CELF2: variants seen among roughly 807,000 people sequenced by gnomAD.
CELF2 encodes CUG triplet repeat RNA-binding protein 2.
In CELF2, 8 loss-of-function variants were observed where a neutral mutation model predicts 62.6. That is an observed-to-expected ratio of 0.13 (90% CI 0.07 to 0.23). The LOEUF (loss-of-function observed/expected upper bound fraction) is 0.23. CELF2 is among the 10% of genes least tolerant of loss of function. The pLI, the probability that CELF2 is intolerant of heterozygous loss-of-function variation, is 1.00. For synonymous variants in CELF2, 258 were observed against 250.0 expected (o/e 1.03, Z -0.30); for missense variants, 333 against 671.0 (o/e 0.50, Z 5.56).
chr10:10,531,647 TC>T, the CELF2 span, among the ~76,000 whole-genome samples: 7 of 152,198 alleles, frequency 4.6e-5, no homozygotes, highest in Non-Finnish European at 7.3e-5. Context: ...TCACTTAGCA[TC>T]CTGATCTGTG....
intron 2 of CELF2, among the ~76,000 whole-genome samples, chr10:10,971,663 T>C (rs1353811593): frequency 6.6e-6 from 1 of 152,216 alleles, no homozygotes; most frequent in East Asian, 1.9e-4. Flanking sequence ...CTCAGTTCAC[T>C]ACAAACTGTG....
intron 8 of CELF2, among the ~76,000 whole-genome samples, chr10:11,287,455 C>T (rs538904886): frequency 2.0e-5 from 3 of 152,218 alleles, no homozygotes; most frequent in Non-Finnish European, 4.4e-5. Context: ...GATTGTTGCC[C>T]CAAATCTCTC....
intron 2 of CELF2, among the ~76,000 whole-genome samples, chr10:11,189,848 A>G (rs1269932114): frequency 6.6e-6 from 1 of 152,218 alleles, no homozygotes; most frequent in Non-Finnish European, 1.5e-5. Flanking sequence ...TGACTCAGAT[A>G]CAGCCCAGAT....
the CELF2 span, among the ~76,000 whole-genome samples, chr10:10,491,043 C>G: frequency 1.3e-5 from 2 of 152,130 alleles, no homozygotes; most frequent in South Asian, 4.1e-4. Flanking sequence ...ATATAAATGT[C>G]TGTAGGGAAT....
At chr10:11,142,400 CTGGG>C (rs201309961) in intron 1 of CELF2, among the ~76,000 whole-genome samples, 1,776 of 152,026 alleles carry the variant, frequency 0.012, 29 homozygotes, top group African/African-American at 0.041. Context: ...ATGGGCTGGG[CTGGG>C]CTGGGCGCGG....
chr10:10,862,306 T>A (rs1270280684), intron 1 of CELF2, among the ~76,000 whole-genome samples: 3 of 152,166 alleles, frequency 2.0e-5, no homozygotes, highest in Non-Finnish European at 4.4e-5. Context: ...GGGTCTCTCA[T>A]GTAGCTGCAG....
At chr10:10,524,871 C>G in the CELF2 span, among the ~76,000 whole-genome samples, 1 of 152,018 alleles carries the variant, frequency 6.6e-6, no homozygotes, top group Non-Finnish European at 1.5e-5. Flanking sequence ...TGCCTGGAAG[C>G]CAAGAAAACT....
chr10:10,628,927 G>C, the CELF2 span, among the ~76,000 whole-genome samples: 1 of 152,162 alleles, frequency 6.6e-6, no homozygotes, highest in African/African-American at 2.4e-5. Context: ...AAAGGATCCT[G>C]ACTATAAATA....
At chr10:11,094,720 A>G (rs867883591) in intron 1 of CELF2, among the ~76,000 whole-genome samples, 2 of 152,222 alleles carry the variant, frequency 1.3e-5, no homozygotes, top group African/African-American at 4.8e-5. Flanking sequence ...CATCCATGTT[A>G]GAGTGTCCGT....
chr10:10,911,187 G>C (rs1281505187), intron 1 of CELF2, among the ~76,000 whole-genome samples: 1 of 152,280 alleles, frequency 6.6e-6, no homozygotes, highest in East Asian at 1.9e-4. Flanking sequence ...AGGGACACCA[G>C]TGCCATTTGC....
chr10:11,153,111 T>C (rs1159992959), intron 1 of CELF2, among the ~76,000 whole-genome samples: 1 of 152,246 alleles, frequency 6.6e-6, no homozygotes, highest in Non-Finnish European at 1.5e-5. Context: ...AGCCGTTGGC[T>C]CATGCCTAAT....
chr10:11,258,944 A>G (rs891423486), intron 5 of CELF2, among the ~76,000 whole-genome samples: 1 of 152,222 alleles, frequency 6.6e-6, no homozygotes, highest in Non-Finnish European at 1.5e-5. Flanking sequence ...TCAGCCTCCC[A>G]AAGTGCTGGG....
chr10:10,719,224 C>T, the CELF2 span, among the ~76,000 whole-genome samples: 102 of 152,088 alleles, frequency 6.7e-4, 1 homozygote, highest in Middle Eastern at 6.8e-3. Context: ...TCTCAAAGTG[C>T]TGGGATTACA....
At chr10:11,154,953 T>C (rs888170634) in intron 1 of CELF2, among the ~76,000 whole-genome samples, 1 of 152,188 alleles carries the variant, frequency 6.6e-6, no homozygotes, top group African/African-American at 2.4e-5. Context: ...CCGAAGAGTT[T>C]AGGCAGAGTC....
At chr10:11,088,952 C>T (rs2047559539) in intron 1 of CELF2, among the ~76,000 whole-genome samples, 1 of 152,196 alleles carries the variant, frequency 6.6e-6, no homozygotes, top group Admixed American at 6.5e-5. Flanking sequence ...CACATGCAAG[C>T]CTCTCCCGTG....
the CELF2 span, among the ~76,000 whole-genome samples, chr10:10,563,377 G>A: frequency 2.6e-5 from 4 of 152,086 alleles, no homozygotes; most frequent in South Asian, 2.1e-4. Flanking sequence ...TTGGGAGGCC[G>A]AGGTGAGTGG....
intron 1 of CELF2, among the ~76,000 whole-genome samples, chr10:10,864,797 G>C (rs887600974): frequency 6.6e-6 from 1 of 152,136 alleles, no homozygotes; most frequent in Admixed American, 6.5e-5. Flanking sequence ...TAACCAACCA[G>C]CTTTCATCCC....
chr10:11,278,714 A>T (rs765629446), intron 8 of CELF2, among the ~76,000 whole-genome samples: 1 of 152,208 alleles, frequency 6.6e-6, no homozygotes, highest in Non-Finnish European at 1.5e-5. Flanking sequence ...TTACGGTTGG[A>T]AAAAGGGAAG....
intron 1 of CELF2, among the ~76,000 whole-genome samples, chr10:10,919,040 G>T (rs2064617245): frequency 6.6e-6 from 1 of 152,108 alleles, no homozygotes; most frequent in Non-Finnish European, 1.5e-5. Context: ...GTAAGCTGAG[G>T]CAGGCAGATC....
Sources: gnomAD v4.1 joint callset for allele counts (sites outside exome capture counted in the v4.1 genomes callset) on GRCh38, gnomAD v4.1.1 for gene constraint, MANE v1.5 for transcripts, NCBI Gene and HGNC (gene_info 2026-07-23, HGNC 2026-07-21) for gene names.